CTPS2: variants seen among roughly 807,000 people sequenced by gnomAD.
CTPS2 encodes the protein CTP synthase 2.
In CTPS2, 19 loss-of-function variants were observed where a neutral mutation model predicts 46.8. The observed-to-expected ratio is 0.41, with a 90% CI of 0.28 to 0.60. The LOEUF is 0.60. CTPS2 is among the 20% of genes least tolerant of loss of function. The pLI, the probability that CTPS2 is intolerant of heterozygous loss-of-function variation, is 0.35. For synonymous variants in CTPS2, 151 were observed against 165.2 expected, an observed-to-expected ratio of 0.91 and a Z score of 0.66; for missense variants, 286 against 447.6, an observed-to-expected ratio of 0.64 and a Z score of 3.26.
intron 17 of CTPS2, among the ~76,000 whole-genome samples, chrX:16,597,909 C>T (rs57819907): frequency 0.012 from 1,284 of 108,177 alleles, 18 homozygotes; most frequent in African/African-American, 0.041. Flanking sequence ...AGGTCCTTCA[C>T]GTCCCTTGTA....
chrX:16,625,116 T>C (rs774875477), intron 14 of CTPS2, among the ~76,000 whole-genome samples: 1 of 111,952 alleles, frequency 8.9e-6, no homozygotes, highest in Non-Finnish European at 1.9e-5. Context: ...CTACACAAGT[T>C]AAAAGGTGGA....
intron 1 of CTPS2, among the ~76,000 whole-genome samples, chrX:16,703,849 A>G (rs1432792880): frequency 3.6e-5 from 4 of 111,161 alleles, no homozygotes; most frequent in African/African-American, 9.8e-5. Flanking sequence ...AAATTTCTCT[A>G]GGATTCACAG....
chrX:16,657,263 T>A (rs1446437834), intron 13 of CTPS2, among the ~76,000 whole-genome samples: 1 of 103,940 alleles, frequency 9.6e-6, no homozygotes, highest in African/African-American at 3.5e-5. Flanking sequence ...TTGGCTGCTA[T>A]CATTTTTCCA....
At chrX:16,597,367 G>T (rs1479839520) in intron 17 of CTPS2, among the ~76,000 whole-genome samples, 2 of 111,696 alleles carry the variant, frequency 1.8e-5, no homozygotes, top group Non-Finnish European at 3.8e-5. Context: ...AATTGATTTT[G>T]GTATAAGGTG....
intron 14 of CTPS2, among the ~76,000 whole-genome samples, chrX:16,630,760 G>T (rs1235058322): frequency 8.9e-6 from 1 of 112,097 alleles, no homozygotes; most frequent in Non-Finnish European, 1.9e-5. Context: ...AGGGCATAGA[G>T]AATTTGGGAG....
intron 4 of CTPS2, 122 bp downstream of exon 4, chrX:16,698,114 C>T (rs1924263356): frequency 1.9e-6 from 1 of 518,430 alleles, no homozygotes; most frequent in South Asian, 3.0e-5. Flanking sequence ...TGCTGTGACC[C>T]CACCTCCTAG....
At chrX:16,700,136 G>C (rs1292415555) in intron 2 of CTPS2, among the ~76,000 whole-genome samples, 1 of 97,561 alleles carries the variant, frequency 1.0e-5, no homozygotes, top group African/African-American at 3.9e-5. Context: ...TTATTATTTT[G>C]AGACAGGGTC....
At chrX:16,657,932 G>A (rs1187074283) in intron 13 of CTPS2, among the ~76,000 whole-genome samples, 2 of 111,751 alleles carry the variant, frequency 1.8e-5, no homozygotes, top group South Asian at 3.8e-4. Flanking sequence ...GTGGCCGGGC[G>A]CAGTGGCTCA....
chrX:16,613,625 T>C (rs1353104218), intron 16 of CTPS2, among the ~76,000 whole-genome samples: 1 of 109,699 alleles, frequency 9.1e-6, no homozygotes, highest in African/African-American at 3.3e-5. Flanking sequence ...AGATAGGGTC[T>C]TGTTCTGTCA....
chrX:16,703,071 G>T, intron 1 of CTPS2, 130 bp from the exon 2 acceptor site: 1 of 435,292 alleles, frequency 2.3e-6, no homozygotes, highest in Non-Finnish European at 3.8e-6. Flanking sequence ...ACCCAGGCTG[G>T]AATGCAGTGA....
chrX:16,640,563 G>A (rs924135544), intron 13 of CTPS2, among the ~76,000 whole-genome samples: 1 of 111,577 alleles, frequency 9.0e-6, no homozygotes, highest in African/African-American at 3.3e-5. Context: ...GATCACAATC[G>A]CACTGCAGAA....
In CTPS2 at chrX:16,646,796, C is replaced by T. The variant is rs139483924; in HGVS notation, c.1297-7553G>A. Among the ~76,000 whole-genome samples, 276 of 111,877 alleles carry T rather than the reference C, an allele frequency of 2.5e-3. 2 individuals carry two copies. Among genetic ancestry groups the T allele is most frequent in the African/African-American group, 8.1e-3 (248 of 30,795 alleles). ...TGTCACCTTCAAGCAGAATAACCCA[C>T]AGAAGCCTGTGGTGCCCAGAGCTCT... On this transcript the variant is annotated intron_variant, in intron 13 of 18. Coordinates refer to ENST00000359276, the MANE Select transcript of CTPS2 (RefSeq NM_175859.3).
intron 8 of CTPS2, among the ~76,000 whole-genome samples, chrX:16,686,445 G>A (rs181598146): frequency 1.8e-5 from 2 of 111,797 alleles, no homozygotes; most frequent in East Asian, 5.7e-4. Flanking sequence ...CCCAAAACCT[G>A]TGAATGTGAC....
intron 17 of CTPS2, among the ~76,000 whole-genome samples, chrX:16,596,171 G>A (rs771453015): frequency 1.1e-4 from 12 of 104,852 alleles, no homozygotes; most frequent in East Asian, 2.9e-4. Flanking sequence ...ACCATGCCTC[G>A]CCAAAAGTTT....
chrX:16,669,618 A>G lies in CTPS2; in HGVS notation c.1189+962T>C, dbSNP rs149503421. Reference sequence around the variant, plus strand: ...CCCAACGAGCTTAGACCAGTAAAAGAAAACAAGGTATCCAGGTAACTACTC... The same window carrying G: ...CCCAACGAGCTTAGACCAGTAAAAGGAAACAAGGTATCCAGGTAACTACTC... On this transcript the variant is annotated intron_variant, in intron 11 of 18. Transcript: ENST00000359276. 8.8e-3 allele frequency among the ~76,000 whole-genome samples: 980 copies of G among 111,037 alleles called. 15 individuals are homozygous for G. The highest frequency in any genetic ancestry group is 0.03 in the African/African-American group (919 of 30,521).
At chrX:16,609,400 A>G in intron 17 of CTPS2, 141 bp downstream of exon 17, 1 of 594,817 alleles carries the variant, frequency 1.7e-6, no homozygotes, top group Non-Finnish European at 2.6e-6. Context: ...ATTTTCACAA[A>G]GAGAAGAAAA....
chrX:16,661,563 T>C (rs1469006109), intron 13 of CTPS2, among the ~76,000 whole-genome samples: 1 of 112,121 alleles, frequency 8.9e-6, no homozygotes, highest in Non-Finnish European at 1.9e-5. Flanking sequence ...CATTAATCAA[T>C]TATACTTCAT....
intron 14 of CTPS2, among the ~76,000 whole-genome samples, chrX:16,628,988 C>T (rs1931317242): frequency 8.9e-6 from 1 of 112,166 alleles, no homozygotes; most frequent in Non-Finnish European, 1.9e-5. Flanking sequence ...ATTTATTTAA[C>T]CCTCACAAGA....
chrX:16,631,327 G>A (rs1390334479), intron 14 of CTPS2, among the ~76,000 whole-genome samples: 8 of 104,702 alleles, frequency 7.6e-5, no homozygotes, highest in African/African-American at 2.1e-4. Flanking sequence ...CAGCCTGGGC[G>A]ACAGAGCAAG....
Sources: gnomAD v4.1 joint callset for allele counts (sites outside exome capture counted in the v4.1 genomes callset) on GRCh38, gnomAD v4.1.1 for gene constraint, MANE v1.5 for transcripts, NCBI Gene and HGNC (gene_info 2026-07-23, HGNC 2026-07-21) for gene names.